The following TLK1 variants were observed in gnomAD, a reference collection of about 807,000 sequenced individuals.
TLK1 encodes the protein tousled like kinase 1.
TLK1 carries 24 observed loss-of-function variants against 105.3 expected under a neutral mutation model. That is an observed-to-expected ratio of 0.23 (90% confidence interval 0.17 to 0.32). The LOEUF (loss-of-function observed/expected upper bound fraction) is 0.32. TLK1 is among the 10% of genes least tolerant of loss of function. The probability of loss-of-function intolerance (pLI) is 1.00; values close to 1 mark genes in which losing one functional copy is unlikely to be tolerated. For synonymous variants in TLK1, 321 were observed against 310.4 expected, an observed-to-expected ratio of 1.03 and a Z score of -0.36; for missense variants, 558 against 910.5, an observed-to-expected ratio of 0.61 and a Z score of 4.98.
chr2:171,039,154 A>T (rs1018499033), intron 11 of TLK1, among the ~76,000 whole-genome samples: 1 of 152,024 alleles, frequency 6.6e-6, no homozygotes, highest in Non-Finnish European at 1.5e-5. Context: ...GTCTTTTCTA[A>T]ACTGTTATTT....
At chr2:171,087,735 T>C (rs1488385895) in intron 2 of TLK1, among the ~76,000 whole-genome samples, 1 of 152,050 alleles carries the variant, frequency 6.6e-6, no homozygotes, top group Non-Finnish European at 1.5e-5. Context: ...AAAGTACACA[T>C]GAGAACAAAA....
intron 19 of TLK1, 34 bp downstream of exon 19, chr2:170,997,678 C>A: frequency 7.0e-7 from 1 of 1,429,854 alleles, no homozygotes; most frequent in South Asian, 1.3e-5. Context: ...TAATTTATCT[C>A]TGTAGAGCTG....
intron 2 of TLK1, among the ~76,000 whole-genome samples, chr2:171,096,912 G>A (rs889297241): frequency 6.6e-6 from 1 of 152,104 alleles, no homozygotes; most frequent in Non-Finnish European, 1.5e-5. Flanking sequence ...GCCACCCAAA[G>A]TGATCTACAG....
In TLK1 at chr2:171,228,870, G is replaced by A. The variant is rs150089232; in HGVS notation, c.-6+2275C>T. 3.8e-3 allele frequency among the ~76,000 whole-genome samples: 582 copies of A among 152,284 alleles called. 6 individuals carry two copies. The highest frequency in any genetic ancestry group is 0.013 in the African/African-American group (525 of 41,544). ...AAAAAAAAATTCTGTGTTGCATGTA[G>A]GATAACCTTTCTGTCAATGCCTGCC... is the stretch of plus-strand genomic sequence containing the variant. On this transcript the variant is annotated intron_variant, in intron 1 of 20. Transcript: ENST00000521943.
chr2:170,993,977 G>A (rs1197935991), intron 20 of TLK1, 21 bp from the exon 21 acceptor site: 1 of 1,563,444 alleles, frequency 6.4e-7, no homozygotes, highest in South Asian at 1.2e-5. Context: ...GAAAGGAAAT[G>A]TTAGCAATTA....
chr2:171,071,698 T>A (rs1300935713), intron 3 of TLK1, among the ~76,000 whole-genome samples: 1 of 152,232 alleles, frequency 6.6e-6, no homozygotes, highest in African/African-American at 2.4e-5. Context: ...TATAGTAGTT[T>A]CACAGTTTGA....
At chr2:171,104,899 G>A (rs970933526) in intron 2 of TLK1, among the ~76,000 whole-genome samples, 2 of 152,100 alleles carry the variant, frequency 1.3e-5, no homozygotes, top group African/African-American at 4.8e-5. Context: ...ATGCATTTAT[G>A]GCCAACTAAT....
chr2:171,066,969 G>GTGA, intron 3 of TLK1: 1 of 1,537,268 alleles, frequency 6.5e-7, no homozygotes, highest in Non-Finnish European at 8.8e-7. Context: ...GAAAGTGCTT[G>GTGA]TAATAGTCAA....
intron 1 of TLK1, among the ~76,000 whole-genome samples, chr2:171,149,099 CTTTTTTTTTT>C (rs11335300): frequency 1.7e-5 from 1 of 57,894 alleles, no homozygotes; most frequent in East Asian, 5.7e-4. Context: ...AATTACTTTT[CTTTTTTTTTT>C]TTTTTTTTTT....
chr2:171,112,768 C>T (rs1329051556), intron 2 of TLK1, among the ~76,000 whole-genome samples: 1 of 151,918 alleles, frequency 6.6e-6, no homozygotes, highest in Non-Finnish European at 1.5e-5. Context: ...GCATCCTAAG[C>T]CAGCAAAAAT....
rs1683866545 is a variant in TLK1, at chr2:170,993,258, A to G, written c.*522T>C. 6.6e-6 allele frequency: 1 copy of G among 152,664 alleles called. No individual in the cohort carries two copies. The highest frequency in any genetic ancestry group is 2.4e-5 in the African/African-American group (1 of 41,468). 9.5% of individuals were successfully genotyped at this position (152,664 alleles called of 1,614,324 possible). A position where few individuals can be genotyped will look rare whatever the true frequency, so the allele number is the denominator to read the frequency against. On this transcript the variant is annotated 3_prime_UTR_variant, in exon 21 of 21. Coordinates refer to ENST00000431350, the MANE Select transcript of TLK1 (RefSeq NM_012290.5). ...CTAACTCTCACATTCTATTACTATA[A>G]AACACAACTGTCACTGTCATTCAGT... is the stretch of plus-strand genomic sequence containing the variant.
At position 171,053,852 on chromosome 2, in the gene TLK1, G is replaced by C; in HGVS notation, c.641C>G (p.Thr214Ser). ...TGCTAATTTCAGCATTGTGAGATCAGTCTAAATGAAAAAAAGTTATTTTAT... is the reference window on the plus strand; with the variant it reads ...TGCTAATTTCAGCATTGTGAGATCACTCTAAATGAAAAAAAGTTATTTTAT... Reference protein sequence around the residue: ...PKQLSFKIIQTDLTMLKLAAL... With the variant: ...PKQLSFKIIQSDLTMLKLAAL... Residue 214 changes from threonine to serine, a missense_variant and splice_region_variant, in exon 8 of 21, where the codon ACT becomes AGT. Transcript: ENST00000431350. 6.3e-7 allele frequency: 1 copy of C among 1,581,322 alleles called. No homozygotes were observed. Among genetic ancestry groups the C allele is most frequent in the South Asian group, 1.2e-5 (1 of 85,572 alleles).
At chr2:171,214,076 C>T (rs1304077094) in intron 1 of TLK1, among the ~76,000 whole-genome samples, 1 of 151,302 alleles carries the variant, frequency 6.6e-6, no homozygotes, top group Non-Finnish European at 1.5e-5. Context: ...CATGGTGGCA[C>T]ATGCCTGTAG....
chr2:171,022,731 T>C (rs1295360917), intron 12 of TLK1: 1 of 179,322 alleles, frequency 5.6e-6, no homozygotes, highest in Admixed American at 5.6e-5. Context: ...CATTCAAACC[T>C]AAAGTGACAA....
chr2:171,061,900 T>C (rs1462940764), intron 3 of TLK1, among the ~76,000 whole-genome samples: 1 of 152,230 alleles, frequency 6.6e-6, no homozygotes, highest in Non-Finnish European at 1.5e-5. Context: ...CACTCTTTCA[T>C]TTAGGTATTG....
At chr2:171,052,579 A>G (rs1236864078) in intron 8 of TLK1, among the ~76,000 whole-genome samples, 2 of 152,200 alleles carry the variant, frequency 1.3e-5, no homozygotes, top group African/African-American at 2.4e-5. Flanking sequence ...TCTCTGATAT[A>G]TTTCATTGAA....
chr2:171,221,418 C>T (rs1406455970), intron 1 of TLK1, among the ~76,000 whole-genome samples: 1 of 152,122 alleles, frequency 6.6e-6, no homozygotes, highest in Non-Finnish European at 1.5e-5. Context: ...TGCCCTGCAC[C>T]TCACCGAAAC....
chr2:171,133,327 A>G (rs1691178370), intron 1 of TLK1, among the ~76,000 whole-genome samples: 1 of 152,168 alleles, frequency 6.6e-6, no homozygotes, highest in Non-Finnish European at 1.5e-5. Context: ...ATTCAGGCGC[A>G]GGCTCATGTC....
chr2:171,132,864 C>CA (rs1208246584), intron 1 of TLK1, among the ~76,000 whole-genome samples: 2 of 152,198 alleles, frequency 1.3e-5, no homozygotes, highest in East Asian at 3.9e-4. Flanking sequence ...GACACTGTCT[C>CA]AAAAAACATA....
Sources: gnomAD v4.1 joint callset for allele counts (sites outside exome capture counted in the v4.1 genomes callset) on GRCh38, gnomAD v4.1.1 for gene constraint, MANE v1.5 for transcripts, NCBI Gene and HGNC (gene_info 2026-07-23, HGNC 2026-07-21) for gene names.